Variants in NTRK2 observed in about 807,000 individuals in gnomAD.
NTRK2 encodes the protein neurotrophic receptor tyrosine kinase 2.
NTRK2 carries 13 observed loss-of-function variants against 94.5 expected under a neutral mutation model. The observed-to-expected ratio is 0.14, with a 90% CI of 0.09 to 0.22. The LOEUF (loss-of-function observed/expected upper bound fraction) is 0.22. NTRK2 is among the 10% of genes least tolerant of loss of function. NTRK2 has a pLI of 1.00. For missense variants in NTRK2, 639 were observed against 1,071.2 expected, an observed-to-expected ratio of 0.60 and a Z score of 5.63; for synonymous variants, 372 against 407.4, an observed-to-expected ratio of 0.91 and a Z score of 1.05.
chr9:84,910,723 G>T (rs145982041), intron 14 of NTRK2, among the ~76,000 whole-genome samples: 28 of 152,190 alleles, frequency 1.8e-4, no homozygotes, highest in African/African-American at 6.0e-4. Flanking sequence ...TCTCTCTTCT[G>T]TTCTATTGAT....
intron 9 of NTRK2, among the ~76,000 whole-genome samples, chr9:84,735,539 T>C (rs1396570293): frequency 6.6e-6 from 1 of 152,176 alleles, no homozygotes; most frequent in Non-Finnish European, 1.5e-5. Context: ...TATCAAATAG[T>C]AATAACAATA....
At chr9:84,688,590 C>T (rs181547028) in intron 2 of NTRK2, among the ~76,000 whole-genome samples, 6 of 152,298 alleles carry the variant, frequency 3.9e-5, no homozygotes, top group East Asian at 1.9e-4. Context: ...AATTGTTAAA[C>T]GTCATTAGCT....
intron 17 of NTRK2, among the ~76,000 whole-genome samples, chr9:84,993,681 G>A (rs556536048): frequency 6.6e-5 from 10 of 152,176 alleles, no homozygotes; most frequent in Non-Finnish European, 7.4e-5. Flanking sequence ...TCTGGCCTGC[G>A]ACATCCTGCA....
At chr9:84,696,961 T>C (rs1001062360) in intron 2 of NTRK2, among the ~76,000 whole-genome samples, 1 of 152,068 alleles carries the variant, frequency 6.6e-6, no homozygotes, top group Non-Finnish European at 1.5e-5. Flanking sequence ...AAGAGTCCTG[T>C]ATATGGACTT....
chr9:84,935,808 C>T (rs1454703383), intron 15 of NTRK2, among the ~76,000 whole-genome samples: 1 of 152,180 alleles, frequency 6.6e-6, no homozygotes, highest in African/African-American at 2.4e-5. Context: ...ATGTTCAGAA[C>T]ATTTGGCAGT....
chr9:84,918,300 C>A (rs1037717102), intron 14 of NTRK2, among the ~76,000 whole-genome samples: 1 of 152,210 alleles, frequency 6.6e-6, no homozygotes, highest in African/African-American at 2.4e-5. Flanking sequence ...TGTCTTCCTA[C>A]CTCTTTTCTG....
At chr9:84,766,395 G>GT (rs2066029619) in intron 12 of NTRK2, among the ~76,000 whole-genome samples, 1 of 152,066 alleles carries the variant, frequency 6.6e-6, no homozygotes, top group African/African-American at 2.4e-5. Context: ...TTGTTGTTTT[G>GT]TTTTTTTATT....
intron 17 of NTRK2, among the ~76,000 whole-genome samples, chr9:84,988,569 G>A (rs1828654197): frequency 6.6e-6 from 1 of 152,198 alleles, no homozygotes; most frequent in South Asian, 2.1e-4. Context: ...AGAAAACTTT[G>A]TGATGGGACC....
chr9:84,798,914 A>G (rs200682878), intron 12 of NTRK2, among the ~76,000 whole-genome samples: 7,222 of 48,626 alleles, frequency 0.15, 252 homozygotes, highest in East Asian at 0.4. Context: ...TCTAAGTGCT[A>G]TATATATATA....
At chr9:84,674,927 T>A (rs1248919173) in intron 2 of NTRK2, among the ~76,000 whole-genome samples, 2 of 152,202 alleles carry the variant, frequency 1.3e-5, no homozygotes, top group African/African-American at 2.4e-5. Context: ...TGGGTTTGAT[T>A]TTTTTCTTCT....
intron 2 of NTRK2, among the ~76,000 whole-genome samples, chr9:84,678,148 A>T (rs925698862): frequency 6.6e-6 from 1 of 152,226 alleles, no homozygotes; most frequent in Non-Finnish European, 1.5e-5. Flanking sequence ...CAACTTAATT[A>T]TCTTGAGTTG....
chr9:84,898,680 CA>C (rs1369638370), intron 14 of NTRK2, among the ~76,000 whole-genome samples: 24 of 151,408 alleles, frequency 1.6e-4, no homozygotes, highest in African/African-American at 5.6e-4. Context: ...TCTGAGCCCC[CA>C]TTTTTTTTTT....
rs1467927815 is a variant in NTRK2 at position 84,745,019 on chromosome 9, T to C, written c.1242T>C (p.Ser414=). The C allele has an allele frequency of 1.2e-6, 2 of 1,613,714 alleles. No homozygotes were observed. Among genetic ancestry groups the C allele is most frequent in the Non-Finnish European group, 1.7e-6 (2 of 1,179,980 alleles). The change falls in exon 11 of 19, where the codon AGT becomes AGC. Residue 414 remains serine, a synonymous_variant. Transcript: ENST00000277120. ...ANDIGDTTNR[S]NEIPSTDVTD... is the part of the protein sequence containing the mutation. ...ACATCGGGGACACCACGAACAGAAG[T>C]AATGAAATCCCTTCCACAGACGTCA... is the stretch of plus-strand genomic sequence containing the variant.
chr9:84,909,484 GT>G (rs532337568), intron 14 of NTRK2, among the ~76,000 whole-genome samples: 15 of 147,052 alleles, frequency 1.0e-4, no homozygotes, highest in South Asian at 6.5e-4. Context: ...AGTTTTAGTT[GT>G]TTTTTTTTTA....
intron 14 of NTRK2, among the ~76,000 whole-genome samples, chr9:84,905,275 GGTGTGTGT>G (rs58470162): frequency 1.8e-4 from 26 of 147,958 alleles, no homozygotes; most frequent in African/African-American, 3.7e-4. Context: ...GGTTTTAGAG[GGTGTGTGT>G]GTGTGTGTGT....
In NTRK2 at chr9:84,702,150, T is replaced by C. The variant is rs1398295147; in HGVS notation, c.213-9T>C. ...GAGTCACTGCGATTCACTCTCTGCT[T>C]TGTTACAGTTTCATCGCAAACCAGA... On this transcript the variant is annotated splice_polypyrimidine_tract_variant and intron_variant, in intron 2 of 18. Coordinates refer to ENST00000277120, the MANE Select transcript of NTRK2 (RefSeq NM_006180.6). 3 of 1,613,046 alleles carry C rather than the reference T, an allele frequency of 1.9e-6. No individual in the cohort carries two copies. In the African/African-American group the frequency reaches 4.0e-5, roughly 22 times the overall value.
intron 15 of NTRK2, among the ~76,000 whole-genome samples, chr9:84,940,546 C>T (rs1444913804): frequency 6.6e-6 from 1 of 152,200 alleles, no homozygotes; most frequent in Non-Finnish European, 1.5e-5. Flanking sequence ...TCCAATTAGT[C>T]ATCTGCAATG....
At chr9:84,920,544 A>G (rs547993152) in intron 14 of NTRK2, among the ~76,000 whole-genome samples, 2 of 152,258 alleles carry the variant, frequency 1.3e-5, no homozygotes, top group African/African-American at 4.8e-5. Context: ...GCCTGGAGCT[A>G]TTCTAGCCTC....
intron 14 of NTRK2, among the ~76,000 whole-genome samples, chr9:84,901,227 T>TTATTTTATTC (rs1395772098): frequency 6.6e-6 from 1 of 151,292 alleles, no homozygotes; most frequent in African/African-American, 2.4e-5. Context: ...TTATTTTATT[T>TTATTTTATTC]TATTTTATTT....
Sources: allele counts gnomAD v4.1 joint callset (sites outside exome capture counted in the v4.1 genomes callset), GRCh38; gene constraint gnomAD v4.1.1; transcripts MANE v1.5; gene names NCBI Gene and HGNC (gene_info 2026-07-23, HGNC 2026-07-21).